TOP3B: variants seen among roughly 807,000 people sequenced by gnomAD.
The protein encoded by TOP3B is DNA topoisomerase III beta.
A neutral mutation model predicts 93.9 loss-of-function variants in TOP3B; 45 were observed. That is an observed-to-expected ratio of 0.48 (90% CI 0.38 to 0.61). The LOEUF (loss-of-function observed/expected upper bound fraction) is 0.61, where lower values mean the gene tolerates loss of function less well. TOP3B is among the 20% of genes least tolerant of loss of function. The pLI, the probability that TOP3B is intolerant of heterozygous loss-of-function variation, is 0.00. For missense variants in TOP3B, 750 were observed against 1,156.1 expected (o/e 0.65, Z 5.09); for synonymous variants, 357 against 472.6 (o/e 0.76, Z 3.17).
chr22:21,958,307 T>C (rs2145823479), intron 17 of TOP3B, 185 bp downstream of exon 17: 1 of 1,442,698 alleles, frequency 6.9e-7, no homozygotes, highest in East Asian at 2.6e-5. Context: ...AGAGAGAGGG[T>C]GGCACCACTG....
At chr22:21,967,525 C>T (rs2071460361) in intron 8 of TOP3B, 78 bp downstream of exon 8, 3 of 1,075,574 alleles carry the variant, frequency 2.8e-6, no homozygotes, top group South Asian at 1.3e-5. Context: ...GGATCACAGG[C>T]TGTTCCTCCA....
At position 21,963,859 on chromosome 22, in the gene TOP3B, C is replaced by T; in HGVS notation, c.1204+64G>A. 1.3e-6 allele frequency: 2 copies of T among 1,559,986 alleles called. No homozygotes were observed. The highest frequency in any genetic ancestry group is 4.4e-4 in the Middle Eastern group (2 of 4,592). On this transcript the variant is annotated intron_variant, in intron 11 of 17. Transcript: ENST00000357179. The surrounding 1 kb of genome is among the most constrained non-coding windows in gnomAD (Gnocchi z 4.8). ...CCACATTGCCAACAGGGCCTGCAAC[C>T]TTCACTGTCGCAGCTCGCCCTTCCC...
chr22:21,958,944 T>G (rs1363082775), intron 16 of TOP3B, 188 bp downstream of exon 16: 1 of 1,048,914 alleles, frequency 9.5e-7, no homozygotes, highest in African/African-American at 1.6e-5. Flanking sequence ...CATGTGTGTT[T>G]GCGTGGCCTA....
rs2079025986 is a variant in TOP3B, at chr22:21,970,647, T to A, written c.385-241A>T. ...CACCACATGGCTTCCTTTACTCCCA[T>A]CTAGAAACATACTCGAACACTCCCT... On this transcript the variant is annotated intron_variant, in intron 5 of 17. Coordinates refer to ENST00000357179, the MANE Select transcript of TOP3B (RefSeq NM_001282112.2). This position sits in a 1 kb window ranked among gnomAD's most constrained non-coding sequence, Gnocchi z 4.4. 1 of 557,424 alleles carries A rather than the reference T, an allele frequency of 1.8e-6. No homozygotes were observed. The highest frequency in any genetic ancestry group is 1.9e-5 in the African/African-American group (1 of 53,160). The allele number at this position is 557,424 out of a possible 1,614,324, so 34.5% of individuals were successfully genotyped here.
chr22:21,964,089 C>A (rs978993991), intron 10 of TOP3B, 61 bp from the exon 11 acceptor site: 2 of 1,604,648 alleles, frequency 1.2e-6, no homozygotes, highest in South Asian at 1.1e-5. Context: ...CTGGGTTTGG[C>A]TGACGTACCA....
Position 21,974,476 on chromosome 22 carries a change from G to T in TOP3B, c.83C>A (p.Ser28Ter). The change falls in exon 3 of 18, where the codon TCA becomes TAA. Residue 28 changes from serine to a stop codon, truncating the protein, a stop_gained. Coordinates refer to ENST00000357179, the MANE Select transcript of TOP3B (RefSeq NM_001282112.2). LOFTEE classifies it high-confidence loss of function. The stretch of plus-strand genomic sequence containing the variant: ...GCAGGCCCCGTTCAGCCCTTTGTGT[G>T]AGGACAGGCTCCCTGGGGATGAGGA... Reference protein sequence around the residue: ...AKILSRGSLSSHKGLNGACSV... With the variant: ...AKILSRGSLS 6.2e-7 allele frequency: 1 copy of T among 1,610,310 alleles called. No individual in the cohort carries two copies.
In TOP3B at chr22:21,970,459, C is replaced by T. The variant is rs2071592915; in HGVS notation, c.385-53G>A. ...CCCACCTCCCAGATCCCTGCCACAG[C>T]TCCCCACCCCACTGTGAAGCCTGGT... On this transcript the variant is annotated intron_variant, in intron 5 of 17. Transcript: ENST00000357179. The surrounding 1 kb of genome is among the most constrained non-coding windows in gnomAD (Gnocchi z 4.4). 1 of 1,574,608 alleles carries T rather than the reference C, an allele frequency of 6.4e-7. No homozygotes were observed. Among genetic ancestry groups the T allele is most frequent in the South Asian group, 1.1e-5 (1 of 88,008 alleles).
chr22:21,959,459 C>T, intron 15 of TOP3B, 128 bp downstream of exon 15: 1 of 1,510,676 alleles, frequency 6.6e-7, no homozygotes, highest in Non-Finnish European at 8.8e-7. Context: ...TGTCACTGAC[C>T]TGGCCTACGG....
At chr22:21,978,960 G>C (rs1417369018) in intron 1 of TOP3B, among the ~76,000 whole-genome samples, 1 of 152,178 alleles carries the variant, frequency 6.6e-6, no homozygotes, top group Non-Finnish European at 1.5e-5. Context: ...CCTTGGGAGG[G>C]TGAGGGGCAA....
At chr22:21,964,089 C>T (rs978993991) in intron 10 of TOP3B, 61 bp from the exon 11 acceptor site, 3 of 1,604,528 alleles carry the variant, frequency 1.9e-6, no homozygotes, top group African/African-American at 2.7e-5. Flanking sequence ...CTGGGTTTGG[C>T]TGACGTACCA....
chr22:21,975,396 G>T, intron 2 of TOP3B: 2 of 423,212 alleles, frequency 4.7e-6, no homozygotes, highest in Non-Finnish European at 4.2e-6. Context: ...CCCAGCATAT[G>T]GATAATGACT....
chr22:21,960,208 G>A, intron 14 of TOP3B, 113 bp downstream of exon 14: 2 of 1,498,240 alleles, frequency 1.3e-6, no homozygotes, highest in East Asian at 4.5e-5. Flanking sequence ...GTGTGTGTGG[G>A]GCTGGGGGAT....
rs761601693 is a variant in TOP3B at position 21,964,269 on chromosome 22, C to G, written c.990G>C (p.Thr330=). Residue 330 remains threonine (T), a synonymous_variant, in exon 10 of 18, where the codon ACG becomes ACC. Coordinates refer to ENST00000357179, the MANE Select transcript of TOP3B (RefSeq NM_001282112.2). ...TCCGTGGGTAGCTGATGTAGCCTTG[C>G]GTGTAGAGCCGCTCAGCCGTCTGCA... ...HAMQTAERLY[T]QGYISYPRTE... The G allele has an allele frequency of 6.2e-7, 1 of 1,614,102 alleles. No individual in the cohort carries two copies. Among genetic ancestry groups the G allele is most frequent in the Non-Finnish European group, 8.5e-7 (1 of 1,180,012 alleles).
chr22:21,963,053 G>T lies in TOP3B; in HGVS notation c.1205-160C>A. 2.3e-6 allele frequency: 2 copies of T among 851,136 alleles called. No homozygotes were observed. The highest frequency in any genetic ancestry group is 3.7e-6 in the Non-Finnish European group (2 of 545,094). 52.7% of individuals were successfully genotyped at this position (851,136 alleles called of 1,614,324 possible). On this transcript the variant is annotated intron_variant, in intron 11 of 17. Transcript: ENST00000357179. This position sits in a 1 kb window ranked among gnomAD's most constrained non-coding sequence, Gnocchi z 4.8. ...AGGAGGAAAGAAAATGTGCAGGAAGGCCGGGCGTGGTGGCTCATGCCTGTA... is the reference window on the plus strand; with the variant it reads ...AGGAGGAAAGAAAATGTGCAGGAAGTCCGGGCGTGGTGGCTCATGCCTGTA...
At position 21,962,410 on chromosome 22, in the gene TOP3B, C is replaced by T; in HGVS notation, c.1525+19G>A. 3 of 1,612,896 alleles carry T rather than the reference C, an allele frequency of 1.9e-6. No individual in the cohort carries two copies. The highest frequency in any genetic ancestry group is 2.5e-6 in the Non-Finnish European group (3 of 1,180,014). On this transcript the variant is annotated intron_variant, in intron 13 of 17. Coordinates refer to ENST00000357179, the MANE Select transcript of TOP3B (RefSeq NM_001282112.2). ...ACTGGAGACGGAGCCGGCTCTGGGG[C>T]CTGGGCAGGCGCACCCACCGATGCC...
chr22:21,959,212 C>A lies in TOP3B; in HGVS notation c.1825G>T (p.Val609Leu). ...SIAGMDELME[V>L]SFSPLAATGK... ...GTGGCCGCCAGGGGCGAGAAAGACA[C>A]CTCCATCAACTCATCCATGCCTGCG... is the stretch of plus-strand genomic sequence containing the variant. Residue 609 changes from valine (V) to leucine (L), a missense_variant, in exon 16 of 18, where the codon GTG (valine) becomes TTG (leucine). Transcript: ENST00000357179. 2 of 1,613,250 alleles carry A rather than the reference C, an allele frequency of 1.2e-6. No homozygotes were observed.
At chr22:21,967,268 T>A (rs1383582972) in intron 8 of TOP3B, 1 of 276,292 alleles carries the variant, frequency 3.6e-6, no homozygotes, top group Non-Finnish European at 7.0e-6. Flanking sequence ...CAGTTGTTAG[T>A]TTGAATCTCT....
chr22:21,961,658 C>T (rs568576655), intron 13 of TOP3B: 2 of 152,766 alleles, frequency 1.3e-5, no homozygotes, highest in East Asian at 3.9e-4. Context: ...TGGGAAGAGA[C>T]ACTCCCTGAG....
chr22:21,961,752 G>C (rs1211601172), intron 13 of TOP3B: 1 of 158,250 alleles, frequency 6.3e-6, no homozygotes, highest in African/African-American at 2.4e-5. Flanking sequence ...CTGTCAGCCA[G>C]GGGTAGTGCC....
Sources: allele counts gnomAD v4.1 joint callset (sites outside exome capture counted in the v4.1 genomes callset), GRCh38; gene constraint gnomAD v4.1.1; non-coding constraint Gnocchi (gnomAD v3.1); transcripts MANE v1.5; gene names NCBI Gene and HGNC (gene_info 2026-07-23, HGNC 2026-07-21).